The following TBXAS1 variants were observed in gnomAD, a reference collection of about 807,000 sequenced individuals.
The protein encoded by TBXAS1 is thromboxane-A synthase.
A neutral mutation model predicts 60.7 loss-of-function variants in TBXAS1; 48 were observed. The observed-to-expected ratio is 0.79, with a 90% confidence interval of 0.63 to 1.01. The LOEUF is 1.01. TBXAS1 is among the 50% of genes least tolerant of loss of function. The pLI, the probability that TBXAS1 is intolerant of heterozygous loss-of-function variation, is 0.00. For missense variants in TBXAS1, 685 were observed against 686.3 expected (o/e 1.00, Z 0.02); for synonymous variants, 287 against 269.7 (o/e 1.06, Z -0.63).
At chr7:139,779,663 C>T (rs2117212472) in intron 1 of TBXAS1, among the ~76,000 whole-genome samples, 1 of 152,298 alleles carries the variant, frequency 6.6e-6, no homozygotes, top group East Asian at 1.9e-4. Context: ...TGGCCCAGGT[C>T]ATCCTAAATA....
chr7:139,901,775 G>A (rs1439674249), intron 3 of TBXAS1, among the ~76,000 whole-genome samples: 2 of 151,950 alleles, frequency 1.3e-5, no homozygotes, highest in Non-Finnish European at 2.9e-5. Flanking sequence ...ATGGCCCTAG[G>A]ACAGCATTTC....
chr7:139,823,237 G>A (rs745385339), intron 4 of TBXAS1, among the ~76,000 whole-genome samples: 9 of 151,986 alleles, frequency 5.9e-5, no homozygotes, highest in East Asian at 5.8e-4. Context: ...ACTATAAGAC[G>A]GACGGAACTT....
At chr7:140,002,400 G>A (rs1278449404) in intron 9 of TBXAS1, among the ~76,000 whole-genome samples, 1 of 152,276 alleles carries the variant, frequency 6.6e-6, no homozygotes, top group Admixed American at 6.5e-5. Flanking sequence ...TGTCAAGGAA[G>A]GATGGCTGGG....
At chr7:139,841,472 A>T (rs1034578304) in intron 1 of TBXAS1, among the ~76,000 whole-genome samples, 1 of 136,728 alleles carries the variant, frequency 7.3e-6, no homozygotes, top group African/African-American at 2.9e-5. Context: ...AGAGGGATAC[A>T]TCTATTTCCC....
intron 3 of TBXAS1, among the ~76,000 whole-genome samples, chr7:139,907,881 C>A (rs532804187): frequency 6.6e-6 from 1 of 152,002 alleles, no homozygotes; most frequent in African/African-American, 2.4e-5. Flanking sequence ...CTTGATTGAG[C>A]TTTAATAGTT....
At chr7:140,012,280 G>A (rs1814676876) in intron 10 of TBXAS1, among the ~76,000 whole-genome samples, 1 of 152,142 alleles carries the variant, frequency 6.6e-6, no homozygotes. Flanking sequence ...CTGTTGGAGT[G>A]GGATAATGCT....
chr7:139,808,001 T>C (rs774181162), intron 4 of TBXAS1, among the ~76,000 whole-genome samples: 1 of 152,136 alleles, frequency 6.6e-6, no homozygotes, highest in Non-Finnish European at 1.5e-5. Flanking sequence ...TAGCCACCAT[T>C]AGACAGTATT....
intron 4 of TBXAS1, among the ~76,000 whole-genome samples, chr7:139,799,287 T>G (rs1157257481): frequency 6.6e-6 from 1 of 151,312 alleles, no homozygotes; most frequent in African/African-American, 2.4e-5. Flanking sequence ...TGGAGTGTAG[T>G]GGCACAATCT....
intron 4 of TBXAS1, among the ~76,000 whole-genome samples, chr7:139,810,425 C>T (rs1463637018): frequency 1.3e-5 from 2 of 152,132 alleles, no homozygotes; most frequent in Non-Finnish European, 2.9e-5. Context: ...TTGGGCTGAA[C>T]AGAACAGTGG....
At chr7:139,873,827 C>G (rs2116822658) in intron 2 of TBXAS1, among the ~76,000 whole-genome samples, 1 of 152,170 alleles carries the variant, frequency 6.6e-6, no homozygotes, top group Non-Finnish European at 1.5e-5. Flanking sequence ...GACTCCAGAC[C>G]CAACGCCAGG....
At chr7:139,889,554 T>C (rs533076774) in intron 3 of TBXAS1, among the ~76,000 whole-genome samples, 1 of 152,316 alleles carries the variant, frequency 6.6e-6, no homozygotes, top group South Asian at 2.1e-4. Flanking sequence ...CAAAGTGCCA[T>C]AGACTGGGTG....
intron 9 of TBXAS1, among the ~76,000 whole-genome samples, chr7:139,967,292 G>A (rs1301021357): frequency 6.6e-6 from 1 of 152,198 alleles, no homozygotes; most frequent in African/African-American, 2.4e-5. Flanking sequence ...GGCAGAGAGG[G>A]CACATCAGCA....
chr7:139,778,353 CGT>C (rs1418937609), upstream of TBXAS1: 1 of 153,012 alleles, frequency 6.5e-6, no homozygotes, highest in East Asian at 1.9e-4. This position sits in a 1 kb window ranked among gnomAD's most constrained non-coding sequence, Gnocchi z 4.8. Context: ...CACGCGCGCG[CGT>C]GTGTGCCCAG....
intron 9 of TBXAS1, among the ~76,000 whole-genome samples, chr7:139,978,596 G>A (rs1184135382): frequency 6.6e-6 from 1 of 151,948 alleles, no homozygotes; most frequent in Non-Finnish European, 1.5e-5. Context: ...GGTGCTCTTG[G>A]TGTTATTCCA....
In TBXAS1 at chr7:140,007,108, C is replaced by T; in HGVS notation, c.1152C>T (p.Cys384=). Reference sequence around the variant, plus strand: ...TCCATCAGATGGCCCCTGAGTTCTGCAGCCTCGAGGAAGGCCTGCCCTATC... The same window carrying T: ...TCCATCAGATGGCCCCTGAGTTCTGTAGCCTCGAGGAAGGCCTGCCCTATC... ...FKEKHMAPEF[C]SLEEGLPYLD... The change falls in exon 10 of 13, where the codon TGC becomes TGT. Residue 384 remains cysteine (C), a synonymous_variant. Transcript: ENST00000448866. The T allele has an allele frequency of 6.2e-7, 1 of 1,614,164 alleles. No homozygotes were observed. Among genetic ancestry groups the T allele is most frequent in the Non-Finnish European group, 8.5e-7 (1 of 1,180,018 alleles).
At chr7:139,957,512 A>G (rs1012221943) in intron 7 of TBXAS1, 122 bp from the exon 8 acceptor site, 193 of 1,257,854 alleles carry the variant, frequency 1.5e-4, no homozygotes, top group East Asian at 5.0e-4. Context: ...TGCGGCGGGG[A>G]GGGCAGGACT....
At chr7:139,934,467 C>T (rs1807582955) in intron 4 of TBXAS1, among the ~76,000 whole-genome samples, 1 of 152,116 alleles carries the variant, frequency 6.6e-6, no homozygotes, top group Non-Finnish European at 1.5e-5. Flanking sequence ...AGATTACAGG[C>T]GTGAGCCACC....
At chr7:139,889,942 G>A (rs1448115690) in intron 3 of TBXAS1, among the ~76,000 whole-genome samples, 1 of 151,970 alleles carries the variant, frequency 6.6e-6, no homozygotes, top group South Asian at 2.1e-4. Flanking sequence ...AGCACTCAGA[G>A]GATCAGGAAG....
intron 4 of TBXAS1, among the ~76,000 whole-genome samples, chr7:139,822,808 C>G (rs1019227901): frequency 2.0e-5 from 3 of 152,146 alleles, no homozygotes; most frequent in African/African-American, 7.2e-5. Context: ...CTGCCTTATT[C>G]AGGCTGTCAT....
Sources: allele counts gnomAD v4.1 joint callset (sites outside exome capture counted in the v4.1 genomes callset), GRCh38; gene constraint gnomAD v4.1.1; non-coding constraint Gnocchi (gnomAD v3.1); transcripts MANE v1.5; gene names NCBI Gene and HGNC (gene_info 2026-07-23, HGNC 2026-07-21).